The following PCDH9 variants were observed in gnomAD, a reference collection of about 807,000 sequenced individuals.
PCDH9 encodes protocadherin-9.
Under a neutral mutation model 70.6 loss-of-function variants are expected in PCDH9, and 24 were observed. That is an observed-to-expected ratio of 0.34 (90% CI 0.25 to 0.48). The LOEUF (loss-of-function observed/expected upper bound fraction) is 0.48. PCDH9 is among the 20% of genes least tolerant of loss of function. The pLI is 0.99. For missense variants in PCDH9, 1,281 were observed against 1,503.6 expected (o/e 0.85, Z 2.45); for synonymous variants, 562 against 558.5 (o/e 1.01, Z -0.09).
chr13:66,387,442 GA>G (rs1448869214), intron 4 of PCDH9, among the ~76,000 whole-genome samples: 2 of 151,672 alleles, frequency 1.3e-5, no homozygotes, highest in South Asian at 4.2e-4. Context: ...GGCCTGGTGA[GA>G]GGAGTTTGGG....
At chr13:66,912,703 C>A (rs914644791) in intron 2 of PCDH9, among the ~76,000 whole-genome samples, 1 of 151,672 alleles carries the variant, frequency 6.6e-6, no homozygotes, top group African/African-American at 2.4e-5. Flanking sequence ...TATATTAATA[C>A]AAATATTTAT....
chr13:67,036,981 A>T (rs1009379688), intron 2 of PCDH9, among the ~76,000 whole-genome samples: 18 of 152,190 alleles, frequency 1.2e-4, no homozygotes, highest in African/African-American at 4.1e-4. Flanking sequence ...AGGAAACTAT[A>T]TTATGGGTTG....
Position 67,013,350 on chromosome 13 carries a change from T to A in PCDH9, c.3037-109745A>T, listed in dbSNP as rs914335908. Among the ~76,000 whole-genome samples the A allele has an allele frequency of 2.0e-5, 3 of 151,732 alleles. No homozygotes were observed. In the Admixed American group the frequency reaches 2.0e-4, roughly 10 times the overall value. ...ATATGGATCATACTTTTATATCCTA[T>A]TTTTTGTTAACTTTATGACATAAAC... On this transcript the variant is annotated intron_variant, in intron 2 of 4. Transcript: ENST00000377865.
At chr13:66,671,812 T>C (rs909361766) in intron 3 of PCDH9, among the ~76,000 whole-genome samples, 1 of 152,164 alleles carries the variant, frequency 6.6e-6, no homozygotes, top group South Asian at 2.1e-4. Flanking sequence ...TTTGAACTTA[T>C]GTTTAAAAGA....
chr13:66,605,086 C>G (rs1157088625), intron 4 of PCDH9, among the ~76,000 whole-genome samples: 3 of 152,006 alleles, frequency 2.0e-5, no homozygotes, highest in Non-Finnish European at 4.4e-5. Flanking sequence ...CAGTAACATT[C>G]ATTACTAGAA....
chr13:66,814,627 G>T (rs377391492), intron 3 of PCDH9, among the ~76,000 whole-genome samples: 97 of 152,076 alleles, frequency 6.4e-4, no homozygotes, highest in African/African-American at 2.3e-3. Context: ...CCATTATTGG[G>T]CTCCTAATAA....
chr13:66,868,440 A>G (rs1458528575), intron 3 of PCDH9, among the ~76,000 whole-genome samples: 2 of 152,022 alleles, frequency 1.3e-5, no homozygotes, highest in African/African-American at 2.4e-5. Context: ...TCATATTCTC[A>G]TAGATACATT....
At chr13:67,148,409 T>C (rs950480598) in intron 2 of PCDH9, among the ~76,000 whole-genome samples, 4 of 151,612 alleles carry the variant, frequency 2.6e-5, no homozygotes, top group Admixed American at 2.6e-4. Flanking sequence ...GTTCCTCTCC[T>C]AGGTAACAGT....
rs983907888 is a variant in PCDH9 at position 67,067,074 on chromosome 13, A to T, written c.3036+158331T>A. 5.9e-5 allele frequency among the ~76,000 whole-genome samples: 9 copies of T among 152,228 alleles called. No individual in the cohort carries two copies. The East Asian group carries it at 1.7e-3, about 30-fold the overall frequency. ...TAGGGCTGTCAGGCTTGCTGCGGTT[A>T]TTTGATGCTTTTCCTCTTCTCTTTT... On this transcript the variant is annotated intron_variant, in intron 2 of 4. Coordinates refer to ENST00000377865, the MANE Select transcript of PCDH9 (RefSeq NM_203487.3).
chr13:67,117,630 C>T (rs556463447), intron 2 of PCDH9, among the ~76,000 whole-genome samples: 8 of 151,992 alleles, frequency 5.3e-5, no homozygotes, highest in Non-Finnish European at 1.2e-4. Context: ...GTCTATGTAC[C>T]CATGCTATGA....
rs201021239 is a variant in PCDH9 at position 67,151,187 on chromosome 13, C to CT, written c.3036+74217dup. ...ATCATTTGATGAGTACCAATAGCTCCTTTTTTAAAAAAAAATCACATTCAT... is the reference window on the plus strand; with the variant it reads ...ATCATTTGATGAGTACCAATAGCTCCTTTTTTTAAAAAAAAATCACATTCAT... On this transcript the variant is annotated intron_variant, in intron 2 of 4. Transcript: ENST00000377865. Among the ~76,000 whole-genome samples the CT allele has an allele frequency of 1.0e-3, 159 of 151,560 alleles. 1 individual carries two copies. The East Asian group carries it at 0.017, about 16-fold the overall frequency.
At chr13:67,187,462 G>A (rs1293006293) in intron 2 of PCDH9, among the ~76,000 whole-genome samples, 2 of 152,066 alleles carry the variant, frequency 1.3e-5, no homozygotes, top group Non-Finnish European at 2.9e-5. Flanking sequence ...TCTATTTCCA[G>A]TAGAAGACCT....
chr13:66,369,473 T>C (rs1428625814), intron 4 of PCDH9, among the ~76,000 whole-genome samples: 2 of 152,098 alleles, frequency 1.3e-5, no homozygotes, highest in Non-Finnish European at 2.9e-5. Flanking sequence ...CTCTTTTCTT[T>C]AGTAAAATGC....
chr13:66,511,180 A>G (rs564514640), intron 4 of PCDH9, among the ~76,000 whole-genome samples: 4 of 152,218 alleles, frequency 2.6e-5, no homozygotes. Context: ...GAAACACACA[A>G]TCACCATAAA....
chr13:66,800,160 GCAATCCCTCTAAC>G (rs1324012942), intron 3 of PCDH9, among the ~76,000 whole-genome samples: 2 of 152,046 alleles, frequency 1.3e-5, no homozygotes, highest in African/African-American at 4.8e-5. Flanking sequence ...CCCAGATGTT[GCAATCCCTCTAAC>G]CACATAACTC....
At position 67,225,925 on chromosome 13, in the gene PCDH9, C is replaced by T; in HGVS notation, c.2516G>A (p.Arg839His). The T allele has an allele frequency of 3.1e-6, 5 of 1,614,080 alleles. No individual in the cohort carries two copies. The highest frequency in any genetic ancestry group is 2.7e-5 in the African/African-American group (2 of 75,024). The part of the protein sequence containing the change: ...VIFVTVLVRC[R>H]HASRFKAAQR... ...AGCTGCTTTGAACCTTGATGCATGG[C>T]GACAGCGCACCAGAACGGTGACGAA... The change falls in exon 2 of 5, where the codon CGC (arginine) becomes CAC (histidine). Residue 839 changes from arginine (R) to histidine (H), a missense_variant. Arg to His is a conservative substitution (Grantham distance 29, BLOSUM62 0). Coordinates refer to ENST00000377865, the MANE Select transcript of PCDH9 (RefSeq NM_203487.3).
chr13:67,124,576 G>T (rs540426400), intron 2 of PCDH9, among the ~76,000 whole-genome samples: 16 of 152,198 alleles, frequency 1.1e-4, no homozygotes, highest in African/African-American at 3.9e-4. Flanking sequence ...ATTGTTGGCT[G>T]CCCAGTATTA....
At chr13:66,592,264 G>A (rs1359995096) in intron 4 of PCDH9, among the ~76,000 whole-genome samples, 1 of 151,510 alleles carries the variant, frequency 6.6e-6, no homozygotes, top group Non-Finnish European at 1.5e-5. Flanking sequence ...TAGAATTCTG[G>A]GCAGGATACA....
intron 3 of PCDH9, among the ~76,000 whole-genome samples, chr13:66,801,205 C>G (rs2080321242): frequency 6.6e-6 from 1 of 152,012 alleles, no homozygotes; most frequent in Admixed American, 6.6e-5. Flanking sequence ...TTGAATTTTT[C>G]TAGTGAAGGT....
Sources: gnomAD v4.1 joint callset for allele counts (sites outside exome capture counted in the v4.1 genomes callset) on GRCh38, gnomAD v4.1.1 for gene constraint, MANE v1.5 for transcripts, NCBI Gene and HGNC (gene_info 2026-07-23, HGNC 2026-07-21) for gene names.